Variants in DOCK7 observed in about 807,000 individuals in gnomAD.
DOCK7 encodes the protein dedicator of cytokinesis protein 7.
Under a neutral mutation model 271.0 loss-of-function variants are expected in DOCK7, and 138 were observed. The ratio of observed to expected loss-of-function variants is 0.51; its 90% CI spans 0.44 to 0.59. DOCK7 has a LOEUF of 0.59. Ranked by LOEUF, DOCK7 falls within the 20% of genes least tolerant of loss-of-function variation. The pLI is 0.00. For missense variants in DOCK7, 2,066 were observed against 2,592.4 expected, an observed-to-expected ratio of 0.80 and a Z score of 4.41; for synonymous variants, 823 against 876.1, an observed-to-expected ratio of 0.94 and a Z score of 1.07.
At position 62,648,389 on chromosome 1, in the gene DOCK7, T is replaced by C. The variant is rs771396439; in HGVS notation, c.519+26A>G. On this transcript the variant is annotated intron_variant, in intron 5 of 49. Transcript: ENST00000635253. ...ACAACTATTTTTAAATAACTTCTTA[T>C]AGTTATTTAAGAATAAAAGTATTAC... The C allele has an allele frequency of 1.2e-5, 17 of 1,465,020 alleles. No individual in the cohort carries two copies. In the South Asian group the frequency reaches 2.0e-4, roughly 18 times the overall value. The allele number at this position is 1,465,020 out of a possible 1,614,324, so 90.8% of individuals were successfully genotyped here.
intron 16 of DOCK7, 22 bp from the exon 17 acceptor site, chr1:62,578,988 AAT>A (rs1404042459): frequency 6.7e-7 from 1 of 1,503,410 alleles, no homozygotes; most frequent in South Asian, 1.4e-5. Context: ...AAAAAAAAAA[AAT>A]CAACAGTCAG....
chr1:62,546,891 TG>T (rs2149408011), intron 22 of DOCK7, among the ~76,000 whole-genome samples: 1 of 152,250 alleles, frequency 6.6e-6, no homozygotes, highest in South Asian at 2.1e-4. Flanking sequence ...ATGTCTTTTT[TG>T]TATAAAAGTG....
At chr1:62,529,858 C>G (rs1213057974) in intron 29 of DOCK7, among the ~76,000 whole-genome samples, 1 of 152,142 alleles carries the variant, frequency 6.6e-6, no homozygotes, top group Non-Finnish European at 1.5e-5. Flanking sequence ...ATAAATTATT[C>G]CCTTTTTCGG....
intron 33 of DOCK7, 71 bp from the exon 34 acceptor site, chr1:62,510,744 T>C: frequency 1.7e-6 from 2 of 1,187,692 alleles, no homozygotes. Context: ...ATACTTGCAA[T>C]CATGTAAGAA....
At chr1:62,596,334 C>T (rs1176041412) in intron 14 of DOCK7, among the ~76,000 whole-genome samples, 22 of 152,042 alleles carry the variant, frequency 1.4e-4, no homozygotes, top group Admixed American at 1.4e-3. Context: ...ACTCCAGCAC[C>T]CATATTCTTA....
chr1:62,659,145 A>G (rs1171734690), intron 2 of DOCK7, among the ~76,000 whole-genome samples: 1 of 152,130 alleles, frequency 6.6e-6, no homozygotes, highest in Non-Finnish European at 1.5e-5. Flanking sequence ...GGAAAAAGAA[A>G]CACAGCACGA....
In DOCK7 at chr1:62,639,271, A is replaced by C. The variant is rs139182120; in HGVS notation, c.819-2668T>G. Among the ~76,000 whole-genome samples, 280 of 152,200 alleles carry C rather than the reference A, an allele frequency of 1.8e-3. 1 individual carries two copies. The highest frequency in any genetic ancestry group is 6.5e-3 in the African/African-American group (272 of 41,528). ...GCAAATCAAAGTGAAATGCTAATTT[A>C]CTTATTCAGAAAATTAGAGGCCAAG... is the stretch of plus-strand genomic sequence containing the variant. On this transcript the variant is annotated intron_variant, in intron 7 of 49. Transcript: ENST00000635253.
At chr1:62,511,668 T>C (rs1248781137) in intron 33 of DOCK7, among the ~76,000 whole-genome samples, 5 of 152,128 alleles carry the variant, frequency 3.3e-5, no homozygotes, top group Non-Finnish European at 5.9e-5. Context: ...ATGGCTCTAT[T>C]TCTTCTAATT....
intron 15 of DOCK7, among the ~76,000 whole-genome samples, chr1:62,586,074 C>T (rs1470466778): frequency 6.6e-6 from 1 of 152,142 alleles, no homozygotes; most frequent in African/African-American, 2.4e-5. Context: ...CAAACTATAA[C>T]ACAGCCTCAT....
At chr1:62,602,251 A>G in intron 14 of DOCK7, 1 of 1,518,360 alleles carries the variant, frequency 6.6e-7, no homozygotes, top group Non-Finnish European at 9.1e-7. Context: ...ACATAAATCT[A>G]CTAAAAATAC....
At chr1:62,616,581 C>G (rs1652467721) in intron 14 of DOCK7, among the ~76,000 whole-genome samples, 1 of 151,638 alleles carries the variant, frequency 6.6e-6, no homozygotes, top group African/African-American at 2.4e-5. Flanking sequence ...AGTAAGAAGG[C>G]TTGGGTTCAA....
At chr1:62,642,383 C>T (rs963846295) in intron 7 of DOCK7, among the ~76,000 whole-genome samples, 8 of 152,066 alleles carry the variant, frequency 5.3e-5, no homozygotes, top group African/African-American at 1.9e-4. Flanking sequence ...GGATTATAGG[C>T]GTGAGCCACC....
chr1:62,608,268 C>T (rs1651290027), intron 14 of DOCK7: 1 of 152,176 alleles, frequency 6.6e-6, no homozygotes, highest in African/African-American at 2.4e-5. Flanking sequence ...TCCAGGTTTT[C>T]AAAAGTCTCT....
intron 40 of DOCK7, among the ~76,000 whole-genome samples, chr1:62,493,533 T>C (rs937102679): frequency 6.6e-6 from 1 of 152,132 alleles, no homozygotes; most frequent in African/African-American, 2.4e-5. Context: ...ACTTAAAAGA[T>C]TATCAAATTA....
intron 33 of DOCK7, among the ~76,000 whole-genome samples, chr1:62,511,659 T>C (rs1481232590): frequency 6.6e-6 from 1 of 152,128 alleles, no homozygotes; most frequent in East Asian, 1.9e-4. Flanking sequence ...ATAAAGGACA[T>C]GGCTCTATTT....
intron 44 of DOCK7, 56 bp downstream of exon 44, chr1:62,477,644 T>C: frequency 6.7e-7 from 1 of 1,493,900 alleles, no homozygotes; most frequent in Non-Finnish European, 8.9e-7. Context: ...GAAAGTCTAA[T>C]CATCAGAGAG....
At chr1:62,498,406 C>G (rs1243221143) in intron 37 of DOCK7, among the ~76,000 whole-genome samples, 1 of 152,034 alleles carries the variant, frequency 6.6e-6, no homozygotes, top group African/African-American at 2.4e-5. Context: ...TCTGAAAACC[C>G]ATCCCTGAAT....
In DOCK7 at chr1:62,628,160, A is replaced by G. The variant is rs1279567968; in HGVS notation, c.1283-2759T>C. ...GGTGCACGTAACCTAGATCCCCTGC[A>G]TGTGCAGCTCACAATAGGGTTCATG... On this transcript the variant is annotated intron_variant, in intron 11 of 49. Coordinates refer to ENST00000635253, the MANE Select transcript of DOCK7 (RefSeq NM_001367561.1). 4 of 152,380 alleles carry G rather than the reference A, an allele frequency of 2.6e-5. No individual in the cohort carries two copies. In the East Asian group the frequency reaches 7.7e-4, roughly 29 times the overall value. The allele number at this position is 152,380 out of a possible 1,614,324, so 9.4% of individuals were successfully genotyped here. A position where few individuals can be genotyped will look rare whatever the true frequency, so the allele number is the denominator to read the frequency against.
At chr1:62,657,181 T>G (rs967088084) in intron 2 of DOCK7, among the ~76,000 whole-genome samples, 23 of 152,242 alleles carry the variant, frequency 1.5e-4, no homozygotes, top group Non-Finnish European at 3.1e-4. Flanking sequence ...TGTAACAAGG[T>G]CACACACCCT....
Sources: gnomAD v4.1 joint callset for allele counts (sites outside exome capture counted in the v4.1 genomes callset) on GRCh38, gnomAD v4.1.1 for gene constraint, MANE v1.5 for transcripts, NCBI Gene and HGNC (gene_info 2026-07-23, HGNC 2026-07-21) for gene names.